The following WDFY3 variants were observed in gnomAD, a reference collection of about 807,000 sequenced individuals.
WDFY3 encodes the protein WD repeat and FYVE domain containing 3.
A neutral mutation model predicts 409.6 loss-of-function variants in WDFY3; 66 were observed. That is an observed-to-expected ratio of 0.16 (90% confidence interval 0.13 to 0.20). The LOEUF (loss-of-function observed/expected upper bound fraction) is 0.20, where lower values mean the gene tolerates loss of function less well. Among genes scored for constraint, WDFY3 ranks in the 10% least tolerant of loss-of-function variants. The pLI is 1.00. For missense variants in WDFY3, 3,031 were observed against 4,298.1 expected (o/e 0.71, Z 8.24); for synonymous variants, 1,521 against 1,537.1 (o/e 0.99, Z 0.25).
chr4:84,924,975 A>G (rs1261704585), intron 2 of WDFY3, among the ~76,000 whole-genome samples: 3 of 152,158 alleles, frequency 2.0e-5, no homozygotes, highest in Non-Finnish European at 4.4e-5. Context: ...CATACCTACA[A>G]AAGGTTTAAT....
chr4:84,695,499 CAGAGAGAGATAGAGAGAGAGAG>C (rs1729955791), intron 58 of WDFY3, among the ~76,000 whole-genome samples: 1 of 73,072 alleles, frequency 1.4e-5, no homozygotes, highest in African/African-American at 4.5e-5. Flanking sequence ...CACACAGAGA[CAGAGAGAGATAGAGAGAGAGAG>C]AGAGAGAGAG....
chr4:84,705,578 A>G, intron 53 of WDFY3, 67 bp from the exon 54 acceptor site: 1 of 1,261,022 alleles, frequency 7.9e-7, no homozygotes, highest in African/African-American at 1.5e-5. Flanking sequence ...ACGTAGATAC[A>G]GTGGCTGTTG....
chr4:84,889,121 T>G (rs1269638931), intron 3 of WDFY3, among the ~76,000 whole-genome samples: 1 of 152,218 alleles, frequency 6.6e-6, no homozygotes, highest in Admixed American at 6.5e-5. Context: ...CCCTGAATCT[T>G]GTCTGATTGG....
chr4:84,800,584 C>A (rs1475391238), intron 17 of WDFY3, among the ~76,000 whole-genome samples: 1 of 152,148 alleles, frequency 6.6e-6, no homozygotes, highest in Non-Finnish European at 1.5e-5. Flanking sequence ...AAGAGACAAT[C>A]TGAAAAGATC....
At chr4:84,872,413 C>T (rs1294489469) in intron 3 of WDFY3, among the ~76,000 whole-genome samples, 4 of 150,422 alleles carry the variant, frequency 2.7e-5, no homozygotes, top group Non-Finnish European at 5.9e-5. Flanking sequence ...TGCAGTGAGC[C>T]GAGATTGCCC....
At chr4:84,678,324 A>T (rs762149945) in intron 65 of WDFY3, 45 bp from the exon 66 acceptor site, 1 of 1,424,268 alleles carries the variant, frequency 7.0e-7, no homozygotes, top group Non-Finnish European at 9.9e-7. Flanking sequence ...AACTGAGAGA[A>T]GCCAATACTG....
chr4:84,714,562 G>A (rs17009218), intron 50 of WDFY3, among the ~76,000 whole-genome samples: 27,100 of 152,126 alleles, frequency 0.18, 4,212 homozygotes, highest in African/African-American at 0.42. Context: ...AGTCCCACAT[G>A]AATTAAATTT....
chr4:84,892,506 A>T (rs1172127621), intron 3 of WDFY3, among the ~76,000 whole-genome samples: 1 of 152,120 alleles, frequency 6.6e-6, no homozygotes, highest in Non-Finnish European at 1.5e-5. Flanking sequence ...GTCATGGTTG[A>T]TTTTTATAGA....
intron 19 of WDFY3, among the ~76,000 whole-genome samples, chr4:84,795,268 T>C (rs896663429): frequency 7.9e-5 from 12 of 152,116 alleles, no homozygotes; most frequent in Non-Finnish European, 1.8e-4. Flanking sequence ...AATCAAGACA[T>C]TAGAACAATT....
At chr4:84,780,056 AG>A in intron 26 of WDFY3, 51 bp downstream of exon 26, 1 of 1,469,070 alleles carries the variant, frequency 6.8e-7, no homozygotes, top group South Asian at 1.5e-5. Flanking sequence ...ATAAAAAAGC[AG>A]AGTATTTTAG....
chr4:84,782,927 AAAG>A (rs770066444), intron 25 of WDFY3, 33 bp downstream of exon 25: 1 of 1,593,904 alleles, frequency 6.3e-7, no homozygotes, highest in South Asian at 1.1e-5. Context: ...GATGGCAAAT[AAAG>A]AAGTTTGAAA....
intron 3 of WDFY3, among the ~76,000 whole-genome samples, chr4:84,871,478 A>C (rs1456554259): frequency 6.6e-6 from 1 of 152,192 alleles, no homozygotes; most frequent in Non-Finnish European, 1.5e-5. Context: ...AAAAACTGAG[A>C]GAACTTGTTG....
At chr4:84,880,712 T>C (rs868037917) in intron 3 of WDFY3, among the ~76,000 whole-genome samples, 7 of 112,616 alleles carry the variant, frequency 6.2e-5, no homozygotes, top group East Asian at 2.6e-4. Flanking sequence ...TATATATATA[T>C]ATATATATAT....
chr4:84,705,628 G>T lies in WDFY3; in HGVS notation c.8218-117C>A. ...TTATAAACGCACTAGTATCTGTGGG[G>T]TCAAACTGGTATAACTGGACTCCAA... is the stretch of plus-strand genomic sequence containing the variant. On this transcript the variant is annotated intron_variant, in intron 53 of 67. Coordinates refer to ENST00000295888, the MANE Select transcript of WDFY3 (RefSeq NM_014991.6). 4 of 802,326 alleles carry T rather than the reference G, an allele frequency of 5.0e-6. No individual in the cohort carries two copies. The South Asian group carries it at 6.5e-5, about 13-fold the overall frequency. The allele number at this position is 802,326 out of a possible 1,614,324, so 49.7% of individuals were successfully genotyped here.
intron 5 of WDFY3, among the ~76,000 whole-genome samples, chr4:84,848,244 T>A (rs1560915381): frequency 6.7e-6 from 1 of 148,520 alleles, no homozygotes; most frequent in Non-Finnish European, 1.5e-5. Flanking sequence ...GAGAGGATCC[T>A]AAAAGCTTCT....
intron 1 of WDFY3, among the ~76,000 whole-genome samples, chr4:84,960,530 G>A (rs1355992028): frequency 6.6e-6 from 1 of 152,154 alleles, no homozygotes. Context: ...TCTATTTTCC[G>A]TGAGAACTGT....
At chr4:84,768,508 A>C (rs1744079677) in intron 30 of WDFY3, among the ~76,000 whole-genome samples, 1 of 152,122 alleles carries the variant, frequency 6.6e-6, no homozygotes, top group African/African-American at 2.4e-5. Context: ...AGCTCAATCT[A>C]CTCTGCCTAT....
At chr4:84,734,881 G>A (rs949043170) in intron 43 of WDFY3, among the ~76,000 whole-genome samples, 162 bp downstream of exon 43, 1 of 152,168 alleles carries the variant, frequency 6.6e-6, no homozygotes, top group Non-Finnish European at 1.5e-5. Context: ...CCTAAAATCA[G>A]TAGCCAAAGT....
At chr4:84,913,182 T>G (rs1353002887) in intron 2 of WDFY3, among the ~76,000 whole-genome samples, 1 of 152,098 alleles carries the variant, frequency 6.6e-6, no homozygotes, top group Non-Finnish European at 1.5e-5. Context: ...ATAAGGGCAT[T>G]ATAAAGACCT....
Sources: gnomAD v4.1 joint callset for allele counts (sites outside exome capture counted in the v4.1 genomes callset) on GRCh38, gnomAD v4.1.1 for gene constraint, MANE v1.5 for transcripts, NCBI Gene and HGNC (gene_info 2026-07-23, HGNC 2026-07-21) for gene names.